Variants in FBLN1 observed in about 807,000 individuals in gnomAD.
The protein encoded by FBLN1 is fibulin-1.
Under a neutral mutation model 89.7 loss-of-function variants are expected in FBLN1, and 34 were observed. That is an observed-to-expected ratio of 0.38 (90% CI 0.29 to 0.50). The LOEUF (loss-of-function observed/expected upper bound fraction) is 0.50, where lower values mean the gene tolerates loss of function less well. Among genes scored for constraint, FBLN1 ranks in the 20% least tolerant of loss-of-function variants. FBLN1 has a pLI of 0.92. For synonymous variants in FBLN1, 393 were observed against 391.3 expected, an observed-to-expected ratio of 1.00 and a Z score of -0.05; for missense variants, 777 against 988.1, an observed-to-expected ratio of 0.79 and a Z score of 2.86.
At chr22:45,504,413 C>T (rs749745757) in intron 1 of FBLN1, among the ~76,000 whole-genome samples, 9 of 152,080 alleles carry the variant, frequency 5.9e-5, no homozygotes, top group Admixed American at 3.9e-4. Flanking sequence ...TGGGGGCTCC[C>T]TGGAGGCTCT....
At chr22:45,594,236 T>C (rs977844550) in intron 16 of FBLN1, among the ~76,000 whole-genome samples, 13 of 152,156 alleles carry the variant, frequency 8.5e-5, no homozygotes, top group African/African-American at 2.9e-4. Context: ...GAGAAGTTGG[T>C]GGTGGTTCTG....
intron 14 of FBLN1, among the ~76,000 whole-genome samples, chr22:45,569,485 A>G (rs948742283): frequency 1.2e-4 from 19 of 152,108 alleles, no homozygotes; most frequent in African/African-American, 4.6e-4. Flanking sequence ...CTAAGAATAC[A>G]AAAATTAGCC....
At chr22:45,518,445 C>A (rs2088200328) in intron 1 of FBLN1, 1 of 584,430 alleles carries the variant, frequency 1.7e-6, no homozygotes, top group South Asian at 1.8e-5. Flanking sequence ...CCTGTCCAAG[C>A]TGGATTCAGA....
At chr22:45,586,935 A>G (rs1434208229) in intron 16 of FBLN1, among the ~76,000 whole-genome samples, 1 of 152,122 alleles carries the variant, frequency 6.6e-6, no homozygotes, top group Non-Finnish European at 1.5e-5. Flanking sequence ...GACAGGGTCT[A>G]CGGACAGTAC....
At chr22:45,518,817 G>A (rs1182249824) in intron 2 of FBLN1, 30 bp downstream of exon 2, 1 of 1,541,288 alleles carries the variant, frequency 6.5e-7, no homozygotes. Context: ...CTGTTTCACT[G>A]GAACAATGTT....
At chr22:45,514,673 T>C (rs1303008492) in intron 1 of FBLN1, among the ~76,000 whole-genome samples, 4 of 152,204 alleles carry the variant, frequency 2.6e-5, no homozygotes, top group African/African-American at 9.7e-5. Flanking sequence ...AAGAGTGGTC[T>C]TGCAGATCGG....
intron 8 of FBLN1, among the ~76,000 whole-genome samples, chr22:45,539,590 G>C (rs2088528804): frequency 6.6e-6 from 1 of 152,180 alleles, no homozygotes; most frequent in Non-Finnish European, 1.5e-5. Context: ...GCAGGTCCTG[G>C]GGCAGGAAGG....
rs2147031814 is a variant in FBLN1, at chr22:45,579,525, G to A, written c.1972+2417G>A. 6.6e-6 allele frequency among the ~76,000 whole-genome samples: 1 copy of A among 152,346 alleles called. No individual in the cohort carries two copies. On this transcript the variant is annotated intron_variant, in intron 16 of 16. Transcript: ENST00000327858. This position sits in a 1 kb window ranked among gnomAD's most constrained non-coding sequence, Gnocchi z 5.5. ...AATTCTGGGCTGGGGCTGCGTGGGG[G>A]AGGGCCCCAGCCTGGCCCTTGGAAT...
At chr22:45,596,411 A>G (rs1369529999) in intron 16 of FBLN1, among the ~76,000 whole-genome samples, 1 of 152,068 alleles carries the variant, frequency 6.6e-6, no homozygotes, top group Admixed American at 6.5e-5. Flanking sequence ...GTTTCTCTAC[A>G]TTCTTATTTA....
Position 45,597,386 on chromosome 22 carries a change from TCTC to T in FBLN1, c.1973-2918_1973-2916del, listed in dbSNP as rs2146671670. On this transcript the variant is annotated intron_variant, in intron 16 of 16. Transcript: ENST00000327858. The surrounding 1 kb of genome is among the most constrained non-coding windows in gnomAD (Gnocchi z 4.2). Reference sequence around the variant, plus strand: ...TTCACAGGCTCACCCAGCCTCTCCTTCTCCTTCAAGCCCCAAACCTCTGAATGC... The same window carrying T: ...TTCACAGGCTCACCCAGCCTCTCCTTCTTCAAGCCCCAAACCTCTGAATGC... Among the ~76,000 whole-genome samples, 1 of 152,158 alleles carries T rather than the reference TCTC, an allele frequency of 6.6e-6. No individual in the cohort carries two copies. The highest frequency in any genetic ancestry group is 1.5e-5 in the Non-Finnish European group (1 of 68,008).
chr22:45,539,549 G>C (rs1280528694), intron 8 of FBLN1, among the ~76,000 whole-genome samples: 1 of 152,078 alleles, frequency 6.6e-6, no homozygotes, highest in Non-Finnish European at 1.5e-5. Flanking sequence ...GGCTTCCCAC[G>C]TGCCCTGGCT....
Position 45,513,421 on chromosome 22 carries a change from C to G in FBLN1, c.80-5261C>G, listed in dbSNP as rs193012201. On this transcript the variant is annotated intron_variant, in intron 1 of 16. Coordinates refer to ENST00000327858, the MANE Select transcript of FBLN1 (RefSeq NM_006486.3). Reference sequence around the variant, plus strand: ...CCAGGTTCTAGTGATTCTCCTGCCTCTCAGCCTCCTGAGTAGCTGGGATTG... The same window carrying G: ...CCAGGTTCTAGTGATTCTCCTGCCTGTCAGCCTCCTGAGTAGCTGGGATTG... Among the ~76,000 whole-genome samples, 356 of 151,686 alleles carry G rather than the reference C, an allele frequency of 2.3e-3. 8 individuals are homozygous for G. Among genetic ancestry groups the G allele is most frequent in the Admixed American group, 0.023 (353 of 15,216 alleles).
intron 8 of FBLN1, among the ~76,000 whole-genome samples, chr22:45,539,136 T>C (rs2088521113): frequency 5.4e-5 from 4 of 74,758 alleles, no homozygotes; most frequent in Non-Finnish European, 7.5e-5. Flanking sequence ...CCCTCCCACT[T>C]CCCTCCTCCC....
At chr22:45,582,114 C>T (rs1276572137) in intron 16 of FBLN1, among the ~76,000 whole-genome samples, 1 of 152,228 alleles carries the variant, frequency 6.6e-6, no homozygotes, top group Non-Finnish European at 1.5e-5. Flanking sequence ...TCCCCAGGAT[C>T]TCCCAGCCAG....
At chr22:45,570,319 C>CAAAAAAAAAA (rs761469854) in intron 14 of FBLN1, among the ~76,000 whole-genome samples, 66 of 36,134 alleles carry the variant, frequency 1.8e-3, no homozygotes, top group African/African-American at 2.1e-3. Flanking sequence ...GACTCTGTCT[C>CAAAAAAAAAA]AAAAAAAAAA....
rs1257631221 is a variant in FBLN1 at position 45,563,974 on chromosome 22, C to T, written c.1698-10537C>T. Reference sequence around the variant, plus strand: ...CCCACTGAGGATCCTGGCCCTGTGCCGGGGGGAGGCAAAGGACCACACAAT... The same window carrying T: ...CCCACTGAGGATCCTGGCCCTGTGCTGGGGGGAGGCAAAGGACCACACAAT... On this transcript the variant is annotated intron_variant, in intron 14 of 16. Transcript: ENST00000327858. This position sits in a 1 kb window ranked among gnomAD's most constrained non-coding sequence, Gnocchi z 5.7. Among the ~76,000 whole-genome samples the T allele has an allele frequency of 3.3e-5, 5 of 152,182 alleles. No individual in the cohort carries two copies. Among genetic ancestry groups the T allele is most frequent in the Admixed American group, 6.5e-5 (1 of 15,292 alleles).
chr22:45,507,574 C>T (rs985820701), intron 1 of FBLN1, among the ~76,000 whole-genome samples: 1 of 152,204 alleles, frequency 6.6e-6, no homozygotes, highest in Non-Finnish European at 1.5e-5. Context: ...GCCGGCCAGG[C>T]TGGAGGGCAG....
At position 45,547,386 on chromosome 22, in the gene FBLN1, GTTTTTTTTTTTTTT is replaced by G. The variant is rs5845717; in HGVS notation, c.1441+196_1441+209del. 1.7e-4 allele frequency among the ~76,000 whole-genome samples: 9 copies of G among 53,722 alleles called. No individual in the cohort carries two copies. The East Asian group carries it at 5.5e-3, about 33-fold the overall frequency. 35.2% of individuals were successfully genotyped at this position (53,722 alleles called of 152,430 possible). ...GTTTGCTGTTTTCCCTCCAACTGAG[GTTTTTTTTTTTTTT>G]TTTTTTTTTTTTTGAGACACGGTCT... On this transcript the variant is annotated intron_variant, in intron 12 of 16. Coordinates refer to ENST00000327858, the MANE Select transcript of FBLN1 (RefSeq NM_006486.3).
rs998683764 is a variant in FBLN1, at chr22:45,574,973, G to A, written c.1840+320G>A. Reference sequence around the variant, plus strand: ...ATCTTTTTGTATTTTTAGTAAAGACGGGGTTTCACCGTGTTCGCCAGGATG... The same window carrying A: ...ATCTTTTTGTATTTTTAGTAAAGACAGGGTTTCACCGTGTTCGCCAGGATG... On this transcript the variant is annotated intron_variant, in intron 15 of 16. Transcript: ENST00000327858. This position sits in a 1 kb window ranked among gnomAD's most constrained non-coding sequence, Gnocchi z 4.1. 5.3e-5 allele frequency among the ~76,000 whole-genome samples: 8 copies of A among 151,866 alleles called. No homozygotes were observed. Among genetic ancestry groups the A allele is most frequent in the Non-Finnish European group, 7.4e-5 (5 of 67,958 alleles).
Sources: allele counts gnomAD v4.1 joint callset (sites outside exome capture counted in the v4.1 genomes callset), GRCh38; gene constraint gnomAD v4.1.1; non-coding constraint Gnocchi (gnomAD v3.1); transcripts MANE v1.5; gene names NCBI Gene and HGNC (gene_info 2026-07-23, HGNC 2026-07-21).